Variants in ADGRL3 observed in about 807,000 individuals in gnomAD.
ADGRL3 encodes the protein adhesion G protein-coupled receptor L3.
A neutral mutation model predicts 153.5 loss-of-function variants in ADGRL3; 62 were observed. The ratio of observed to expected loss-of-function variants is 0.40; its 90% CI spans 0.33 to 0.50. ADGRL3 has a LOEUF of 0.50. ADGRL3 is among the 20% of genes least tolerant of loss of function. The pLI is 0.47. For synonymous variants in ADGRL3, 710 were observed against 672.5 expected, an observed-to-expected ratio of 1.06 and a Z score of -0.86; for missense variants, 1,641 against 1,859.4, an observed-to-expected ratio of 0.88 and a Z score of 2.16.
chr4:61,270,387 T>G (rs546478583), intron 1 of ADGRL3, among the ~76,000 whole-genome samples: 1 of 151,870 alleles, frequency 6.6e-6, no homozygotes, highest in African/African-American at 2.4e-5. Context: ...TTCAGAGAAT[T>G]TTACTTGTTA....
intron 2 of ADGRL3, among the ~76,000 whole-genome samples, chr4:61,447,249 C>T (rs571866369): frequency 3.3e-5 from 5 of 152,210 alleles, no homozygotes; most frequent in African/African-American, 1.2e-4. Context: ...ATATAGACAT[C>T]CCTTTGTGTT....
intron 1 of ADGRL3, among the ~76,000 whole-genome samples, chr4:61,380,299 C>T (rs1052147058): frequency 6.6e-6 from 1 of 151,924 alleles, no homozygotes; most frequent in Non-Finnish European, 1.5e-5. Context: ...GTGCTATTTT[C>T]ATCTGTTCAG....
At chr4:61,830,372 A>G (rs541101764) in intron 9 of ADGRL3, among the ~76,000 whole-genome samples, 1 of 152,256 alleles carries the variant, frequency 6.6e-6, no homozygotes, top group East Asian at 1.9e-4. Context: ...TTCTCTCTAA[A>G]CAAACAAACA....
intron 4 of ADGRL3, among the ~76,000 whole-genome samples, chr4:61,518,907 T>G (rs558618250): frequency 6.6e-6 from 1 of 152,332 alleles, no homozygotes; most frequent in South Asian, 2.1e-4. Flanking sequence ...CTAAATTGGA[T>G]GGGCTTTTAT....
chr4:61,916,482 TAG>T lies in ADGRL3; in HGVS notation c.2112+3730_2112+3731del, dbSNP rs796482838. ...AAAACCATGTCTCTTAAAAAAAAAA[TAG>T]AGAGTTTTAAGTTTTATACTAGAGA... is the stretch of plus-strand genomic sequence containing the variant. On this transcript the variant is annotated intron_variant, in intron 13 of 26. Transcript: ENST00000683033. Among the ~76,000 whole-genome samples, 8 of 149,658 alleles carry T rather than the reference TAG, an allele frequency of 5.3e-5. No homozygotes were observed. The South Asian group carries it at 1.7e-3, about 31-fold the overall frequency.
intron 1 of ADGRL3, among the ~76,000 whole-genome samples, chr4:61,365,959 G>A (rs2096387733): frequency 6.6e-6 from 1 of 152,148 alleles, no homozygotes; most frequent in Non-Finnish European, 1.5e-5. Flanking sequence ...TAATTTTCTT[G>A]TGAAGCATTG....
At chr4:61,436,605 G>T (rs557896256) in intron 2 of ADGRL3, among the ~76,000 whole-genome samples, 12 of 152,282 alleles carry the variant, frequency 7.9e-5, no homozygotes, top group African/African-American at 2.6e-4. Flanking sequence ...ATAGAGGAAA[G>T]AAGTAAATAC....
intron 25 of ADGRL3, among the ~76,000 whole-genome samples, chr4:62,044,969 A>G (rs938588156): frequency 2.6e-5 from 4 of 152,044 alleles, no homozygotes; most frequent in African/African-American, 9.7e-5. Flanking sequence ...ACTTAAGGCA[A>G]CCTGTGTACT....
chr4:61,705,999 C>T (rs568909890), intron 6 of ADGRL3, among the ~76,000 whole-genome samples: 2 of 152,246 alleles, frequency 1.3e-5, no homozygotes, highest in East Asian at 3.9e-4. Context: ...GGTAAATAAG[C>T]ATTGGCTTCA....
At chr4:61,646,361 C>CT (rs1303979384) in intron 5 of ADGRL3, among the ~76,000 whole-genome samples, 1 of 151,938 alleles carries the variant, frequency 6.6e-6, no homozygotes, top group Non-Finnish European at 1.5e-5. Context: ...GAGAGGCACT[C>CT]TGCTTTTTAG....
At chr4:61,624,670 A>G (rs143866996) in intron 5 of ADGRL3, among the ~76,000 whole-genome samples, 2 of 152,216 alleles carry the variant, frequency 1.3e-5, no homozygotes, top group African/African-American at 4.8e-5. Context: ...GTCATTTTAT[A>G]TAGAGTTTAA....
At chr4:61,692,538 G>A (rs1234159209) in intron 6 of ADGRL3, among the ~76,000 whole-genome samples, 1 of 150,968 alleles carries the variant, frequency 6.6e-6, no homozygotes, top group African/African-American at 2.4e-5. Context: ...CACCTCTCAG[G>A]TTCAGGTGAT....
intron 8 of ADGRL3, among the ~76,000 whole-genome samples, chr4:61,781,284 C>T (rs2097209758): frequency 6.7e-6 from 1 of 148,910 alleles, no homozygotes; most frequent in Non-Finnish European, 1.5e-5. Context: ...CGAGATCGTG[C>T]CATTGCACTC....
At chr4:61,336,979 A>T (rs545818903) in intron 1 of ADGRL3, among the ~76,000 whole-genome samples, 11 of 152,050 alleles carry the variant, frequency 7.2e-5, no homozygotes, top group African/African-American at 2.7e-4. Flanking sequence ...GGGGAGGTAC[A>T]GCTGATTTGT....
intron 6 of ADGRL3, among the ~76,000 whole-genome samples, chr4:61,700,302 T>C (rs892672129): frequency 8.4e-5 from 1 of 11,840 alleles, no homozygotes; most frequent in Non-Finnish European, 1.8e-4. Context: ...TTTCACAATA[T>C]AGAATATGAA....
At chr4:61,763,587 T>C (rs989232373) in intron 8 of ADGRL3, among the ~76,000 whole-genome samples, 2 of 152,310 alleles carry the variant, frequency 1.3e-5, no homozygotes, top group Admixed American at 1.3e-4. Flanking sequence ...TTCCTCACGG[T>C]ATAGTTTCTC....
chr4:61,351,767 G>GAAAAAT (rs2096056837), intron 1 of ADGRL3, among the ~76,000 whole-genome samples: 1 of 151,810 alleles, frequency 6.6e-6, no homozygotes, highest in African/African-American at 2.4e-5. Flanking sequence ...AAAAGAAAAA[G>GAAAAAT]AAAAAGAAGA....
At chr4:61,754,728 C>T (rs1023998982) in intron 8 of ADGRL3, among the ~76,000 whole-genome samples, 5 of 152,162 alleles carry the variant, frequency 3.3e-5, no homozygotes, top group African/African-American at 1.2e-4. Context: ...ATTAACTCCT[C>T]ATTTAACCTT....
intron 1 of ADGRL3, among the ~76,000 whole-genome samples, chr4:61,273,033 TAG>T (rs1319742506): frequency 6.6e-6 from 1 of 152,092 alleles, no homozygotes. Context: ...TATCTGTAAA[TAG>T]GGGATGATGA....
Sources: gnomAD v4.1 joint callset for allele counts (sites outside exome capture counted in the v4.1 genomes callset) on GRCh38, gnomAD v4.1.1 for gene constraint, MANE v1.5 for transcripts, NCBI Gene and HGNC (gene_info 2026-07-23, HGNC 2026-07-21) for gene names.